Variants in SH3RF3 observed in about 807,000 individuals in gnomAD.
SH3RF3 encodes the protein E3 ubiquitin-protein ligase SH3RF3.
In SH3RF3, 29 loss-of-function variants were observed where a neutral mutation model predicts 66.3. The ratio of observed to expected loss-of-function variants is 0.44; its 90% CI spans 0.33 to 0.60. The LOEUF (loss-of-function observed/expected upper bound fraction) is 0.60, where lower values mean the gene tolerates loss of function less well. SH3RF3 is among the 20% of genes least tolerant of loss of function. The pLI is 0.04. For missense variants in SH3RF3, 1,194 were observed against 1,190.9 expected, an observed-to-expected ratio of 1.00 and a Z score of -0.04; for synonymous variants, 583 against 532.0, an observed-to-expected ratio of 1.10 and a Z score of -1.32.
At position 109,481,249 on chromosome 2, in the gene SH3RF3, G is replaced by C. The variant is rs573990976; in HGVS notation, c.2149-9356G>C. 3.9e-5 allele frequency among the ~76,000 whole-genome samples: 6 copies of C among 152,348 alleles called. No individual in the cohort carries two copies. The South Asian group carries it at 1.0e-3, about 26-fold the overall frequency. On this transcript the variant is annotated intron_variant, in intron 8 of 9. Coordinates refer to ENST00000309415, the MANE Select transcript of SH3RF3 (RefSeq NM_001099289.3). ...AGGGTCCCCCCACACAGGTCTCTCT[G>C]TGCTCAAGCTCCAGTCACCATGCTG...
At chr2:109,224,961 A>G (rs1679337592) in intron 1 of SH3RF3, among the ~76,000 whole-genome samples, 1 of 152,164 alleles carries the variant, frequency 6.6e-6, no homozygotes, top group African/African-American at 2.4e-5. Context: ...CTGCAGCATA[A>G]CCTTATCTTT....
At chr2:109,444,087 A>C (rs1677643028) in intron 7 of SH3RF3, among the ~76,000 whole-genome samples, 2 of 152,232 alleles carry the variant, frequency 1.3e-5, no homozygotes, top group South Asian at 4.1e-4. Context: ...TCATTAATAC[A>C]AATAATAACA....
At chr2:109,325,187 A>G (rs1358989307) in intron 1 of SH3RF3, among the ~76,000 whole-genome samples, 1 of 152,046 alleles carries the variant, frequency 6.6e-6, no homozygotes, top group Non-Finnish European at 1.5e-5. Flanking sequence ...TTTTCTGTGA[A>G]GATCAGTGTC....
intron 4 of SH3RF3, 145 bp downstream of exon 4, chr2:109,399,088 T>C: frequency 1.0e-6 from 1 of 971,580 alleles, no homozygotes; most frequent in South Asian, 1.7e-5. Flanking sequence ...TGCCCTTTGC[T>C]GCCTGGCACT....
intron 1 of SH3RF3, among the ~76,000 whole-genome samples, chr2:109,241,318 G>A (rs916882668): frequency 6.6e-6 from 1 of 152,164 alleles, no homozygotes; most frequent in Non-Finnish European, 1.5e-5. Flanking sequence ...AAGATGGACG[G>A]ATATTGGAGC....
At chr2:109,331,719 G>T (rs1411447258) in intron 1 of SH3RF3, among the ~76,000 whole-genome samples, 1 of 152,128 alleles carries the variant, frequency 6.6e-6, no homozygotes, top group Non-Finnish European at 1.5e-5. Context: ...TATTTTGTTA[G>T]TTCCTAGAAC....
intron 1 of SH3RF3, among the ~76,000 whole-genome samples, chr2:109,180,597 G>T (rs1678052113): frequency 6.6e-6 from 1 of 152,110 alleles, no homozygotes; most frequent in African/African-American, 2.4e-5. Flanking sequence ...TGTTCTTGTG[G>T]TAGTAAATAA....
chr2:109,185,998 C>T (rs1375782738), intron 1 of SH3RF3, among the ~76,000 whole-genome samples: 1 of 152,226 alleles, frequency 6.6e-6, no homozygotes, highest in Non-Finnish European at 1.5e-5. Flanking sequence ...ACATTTCATA[C>T]CATTCTCTGG....
chr2:109,238,158 C>A (rs923727154), intron 1 of SH3RF3, among the ~76,000 whole-genome samples: 2 of 152,068 alleles, frequency 1.3e-5, no homozygotes, highest in Non-Finnish European at 2.9e-5. Context: ...CATGATCATG[C>A]GGGTGCACTC....
chr2:109,312,009 A>G (rs1310924696), intron 1 of SH3RF3, among the ~76,000 whole-genome samples: 1 of 148,650 alleles, frequency 6.7e-6, no homozygotes, highest in Non-Finnish European at 1.5e-5. Context: ...GGTGCTGTCC[A>G]GTTTTGAACT....
intron 6 of SH3RF3, among the ~76,000 whole-genome samples, 171 bp downstream of exon 6, chr2:109,432,842 T>G (rs1479245676): frequency 6.6e-6 from 1 of 152,282 alleles, no homozygotes; most frequent in Non-Finnish European, 1.5e-5. Context: ...TTTCACCTTC[T>G]GAGCTGGGTT....
At chr2:109,282,848 C>T (rs577773822) in intron 1 of SH3RF3, among the ~76,000 whole-genome samples, 90 of 152,234 alleles carry the variant, frequency 5.9e-4, no homozygotes, top group Admixed American at 2.5e-3. Context: ...GGTAATGGTC[C>T]TCCTGTGAGG....
rs984543931 is a variant in SH3RF3, at chr2:109,306,555, C to T, written c.574-41119C>T. On this transcript the variant is annotated intron_variant, in intron 1 of 9. Transcript: ENST00000309415. ...CCCTTGTGGATGCTTTTTCTCTGAC[C>T]GTACAGTGGCTGGTGGTGTTCTCCA... 7.2e-5 allele frequency among the ~76,000 whole-genome samples: 11 copies of T among 152,296 alleles called. 1 individual carries two copies. Among genetic ancestry groups the T allele is most frequent in the Admixed American group, 3.3e-4 (5 of 15,304 alleles).
At position 109,501,497 on chromosome 2, in the gene SH3RF3, C is replaced by G. The variant is rs768790290; in HGVS notation, c.2481-6C>G. ...GTGGGGCTCACCCACTGTGCTGTTT[C>G]CCCAGGTACCGCGTGGTGGTCTCGT... On this transcript the variant is annotated splice_polypyrimidine_tract_variant and splice_region_variant and intron_variant, in intron 9 of 9. Coordinates refer to ENST00000309415, the MANE Select transcript of SH3RF3 (RefSeq NM_001099289.3). The G allele has an allele frequency of 4.4e-5, 34 of 775,762 alleles. No homozygotes were observed. The highest frequency in any genetic ancestry group is 6.5e-5 in the Non-Finnish European group (27 of 415,984). 48.1% of individuals were successfully genotyped at this position (775,762 alleles called of 1,614,324 possible). A position where few individuals can be genotyped will look rare whatever the true frequency, so the allele number is the denominator to read the frequency against.
At chr2:109,414,718 C>G (rs997045793) in intron 4 of SH3RF3, among the ~76,000 whole-genome samples, 30 of 152,194 alleles carry the variant, frequency 2.0e-4, no homozygotes, top group Non-Finnish European at 4.3e-4. Flanking sequence ...TCCAGGCACA[C>G]CAAACACTGC....
chr2:109,269,644 G>T (rs1261357297), intron 1 of SH3RF3, among the ~76,000 whole-genome samples: 3 of 152,192 alleles, frequency 2.0e-5, no homozygotes, highest in African/African-American at 4.8e-5. Flanking sequence ...AGCCGGACAT[G>T]GTGGCGTGTG....
intron 1 of SH3RF3, among the ~76,000 whole-genome samples, chr2:109,134,980 C>T (rs561490651): frequency 6.6e-6 from 1 of 152,310 alleles, no homozygotes; most frequent in East Asian, 1.9e-4. Context: ...GCTGGCTAAC[C>T]CAGCAGCTCT....
intron 1 of SH3RF3, among the ~76,000 whole-genome samples, chr2:109,205,261 C>CTT (rs34792138): frequency 0.015 from 1,981 of 135,942 alleles, 61 homozygotes; most frequent in African/African-American, 0.05. Flanking sequence ...ACTTATGTGA[C>CTT]TTTTTTTTTT....
At chr2:109,224,161 A>G (rs574006911) in intron 1 of SH3RF3, among the ~76,000 whole-genome samples, 2 of 152,276 alleles carry the variant, frequency 1.3e-5, no homozygotes, top group Admixed American at 1.3e-4. Context: ...TGGCAGGCCT[A>G]GAGAGTGTGT....
Sources: gnomAD v4.1 joint callset for allele counts (sites outside exome capture counted in the v4.1 genomes callset) on GRCh38, gnomAD v4.1.1 for gene constraint, MANE v1.5 for transcripts, NCBI Gene and HGNC (gene_info 2026-07-23, HGNC 2026-07-21) for gene names.